Variants in HPCAL1 observed in about 807,000 individuals in gnomAD.
HPCAL1 encodes hippocalcin like 1.
Under a neutral mutation model 17.1 loss-of-function variants are expected in HPCAL1, and 8 were observed. That is an observed-to-expected ratio of 0.47 (90% CI 0.27 to 0.84). HPCAL1 has a LOEUF of 0.84. HPCAL1 is among the 40% of genes least tolerant of loss of function. The pLI is 0.13. For missense variants in HPCAL1, 165 were observed against 271.1 expected (o/e 0.61, Z 2.75); for synonymous variants, 112 against 111.4 (o/e 1.01, Z -0.03).
chr2:10,411,256 C>G (rs1670334676), intron 2 of HPCAL1, among the ~76,000 whole-genome samples: 1 of 152,160 alleles, frequency 6.6e-6, no homozygotes, highest in African/African-American at 2.4e-5. Flanking sequence ...ATGGAAAGGG[C>G]CCAGAGGAGG....
At chr2:10,371,951 C>CA (rs1667238976) in intron 1 of HPCAL1, among the ~76,000 whole-genome samples, 1 of 152,242 alleles carries the variant, frequency 6.6e-6, no homozygotes, top group Non-Finnish European at 1.5e-5. Context: ...CCAGGCCCGC[C>CA]AGCGCCTCAG....
intron 1 of HPCAL1, among the ~76,000 whole-genome samples, chr2:10,386,785 G>A (rs527966856): frequency 6.6e-6 from 1 of 152,278 alleles, no homozygotes; most frequent in East Asian, 1.9e-4. Flanking sequence ...CCCGCTGCCT[G>A]GACCCCTTCC....
chr2:10,399,490 C>T (rs1237600096), intron 2 of HPCAL1, among the ~76,000 whole-genome samples: 7 of 106,678 alleles, frequency 6.6e-5, no homozygotes, highest in East Asian at 5.8e-4. Flanking sequence ...ACCATCACCG[C>T]CACCATCACC....
chr2:10,313,382 G>C (rs1009126374), intron 1 of HPCAL1, among the ~76,000 whole-genome samples: 1 of 152,212 alleles, frequency 6.6e-6, no homozygotes, highest in African/African-American at 2.4e-5. Context: ...TGTCTGCCCA[G>C]ATGTGTGACT....
chr2:10,347,332 G>A (rs1665535529), intron 1 of HPCAL1, among the ~76,000 whole-genome samples: 1 of 152,076 alleles, frequency 6.6e-6, no homozygotes, highest in African/African-American at 2.4e-5. Context: ...TGGGGAGCAG[G>A]GCCTTCAGGG....
chr2:10,386,988 C>T (rs1572781656), intron 1 of HPCAL1, among the ~76,000 whole-genome samples: 1 of 152,328 alleles, frequency 6.6e-6, no homozygotes, highest in East Asian at 1.9e-4. Context: ...AGAAGCGGGG[C>T]TTGCAGGCCA....
chr2:10,405,628 C>T lies in HPCAL1; in HGVS notation c.-25+8708C>T, dbSNP rs1669920664. 2.0e-5 allele frequency among the ~76,000 whole-genome samples: 3 copies of T among 152,194 alleles called. No individual in the cohort carries two copies. The South Asian group carries it at 6.2e-4, about 32-fold the overall frequency. On this transcript the variant is annotated intron_variant, in intron 2 of 4. Transcript: ENST00000307845. Reference sequence around the variant, plus strand: ...GTAGATCTTCCCCCCAGGCATGGGTCAGTGCTTGAGTCATTCTGCAGCTGG... The same window carrying T: ...GTAGATCTTCCCCCCAGGCATGGGTTAGTGCTTGAGTCATTCTGCAGCTGG...
intron 2 of HPCAL1, among the ~76,000 whole-genome samples, chr2:10,414,948 G>A (rs1670569407): frequency 6.6e-6 from 1 of 152,222 alleles, no homozygotes. Flanking sequence ...CCCTCCAGAT[G>A]CTGGCTGCAA....
chr2:10,364,234 G>T (rs1198461526), intron 1 of HPCAL1, among the ~76,000 whole-genome samples: 2 of 152,218 alleles, frequency 1.3e-5, no homozygotes, highest in Non-Finnish European at 2.9e-5. Flanking sequence ...GTGGGAGCTG[G>T]GCCCAGAGCC....
At chr2:10,356,310 G>A (rs760586572) in intron 1 of HPCAL1, among the ~76,000 whole-genome samples, 2 of 152,160 alleles carry the variant, frequency 1.3e-5, no homozygotes, top group East Asian at 1.9e-4. Flanking sequence ...GTCACAGGAC[G>A]CCTCTTAGTG....
At chr2:10,423,729 G>A (rs1332944876) in intron 4 of HPCAL1, 1 of 152,610 alleles carries the variant, frequency 6.6e-6, no homozygotes, top group East Asian at 1.9e-4. Context: ...CTTCTTGCCG[G>A]CTTTGTCAAG....
chr2:10,352,245 C>T (rs115323327), intron 1 of HPCAL1, among the ~76,000 whole-genome samples: 115 of 152,224 alleles, frequency 7.6e-4, no homozygotes, highest in African/African-American at 2.6e-3. Flanking sequence ...TCTGCCTATC[C>T]ATATACCTCC....
chr2:10,369,038 ACTGGGGGAAGC>A (rs1316062420), intron 1 of HPCAL1: 1 of 152,130 alleles, frequency 6.6e-6, no homozygotes, highest in East Asian at 1.9e-4. Flanking sequence ...TTGCCCTGTG[ACTGGGGGAAGC>A]CTGAGGACTC....
intron 1 of HPCAL1, among the ~76,000 whole-genome samples, chr2:10,387,841 T>C (rs1224755531): frequency 1.3e-5 from 2 of 152,232 alleles, no homozygotes; most frequent in Non-Finnish European, 2.9e-5. Flanking sequence ...GCCTGTTTGC[T>C]CAACTGCACG....
At chr2:10,393,693 A>G (rs751678701) in intron 1 of HPCAL1, among the ~76,000 whole-genome samples, 1 of 152,188 alleles carries the variant, frequency 6.6e-6, no homozygotes, top group South Asian at 2.1e-4. Context: ...AGGGACCTCA[A>G]TGTGGAGATA....
rs566938925 is a variant in HPCAL1, at chr2:10,375,868, C to T, written c.-110-20967C>T. Among the ~76,000 whole-genome samples the T allele has an allele frequency of 2.5e-4, 38 of 152,296 alleles. No homozygotes were observed. In the South Asian group the frequency reaches 7.0e-3, roughly 28 times the overall value. On this transcript the variant is annotated intron_variant, in intron 1 of 4. Transcript: ENST00000307845. ...ATGACATAATTCAAGAGAGTAGCTG[C>T]GGAGACAATAAATAATTATAGTAGC...
intron 1 of HPCAL1, among the ~76,000 whole-genome samples, chr2:10,355,323 C>T (rs1327645244): frequency 6.7e-6 from 1 of 149,134 alleles, no homozygotes; most frequent in Admixed American, 6.7e-5. Context: ...TAGTGGCGGG[C>T]GCCTGTAGTC....
chr2:10,419,592 G>C lies in HPCAL1; in HGVS notation c.-24-142G>C. The C allele has an allele frequency of 1.5e-6, 1 of 686,928 alleles. No homozygotes were observed. The highest frequency in any genetic ancestry group is 2.4e-6 in the Non-Finnish European group (1 of 420,222). 42.6% of individuals were successfully genotyped at this position (686,928 alleles called of 1,614,324 possible). ...CCTTCTTGGTGGTCCATAAGATAGC[G>C]GCATGCCTTCCGATGGGGGACCCGG... On this transcript the variant is annotated intron_variant, in intron 2 of 4. Transcript: ENST00000307845. The surrounding 1 kb of genome is among the most constrained non-coding windows in gnomAD (Gnocchi z 5.0).
intron 2 of HPCAL1, among the ~76,000 whole-genome samples, chr2:10,399,421 CCAT>C (rs1669377032): frequency 9.5e-5 from 5 of 52,866 alleles, no homozygotes; most frequent in East Asian, 4.8e-4. Flanking sequence ...ACCACCACCA[CCAT>C]CACCACCACC....
Sources: allele counts gnomAD v4.1 joint callset (sites outside exome capture counted in the v4.1 genomes callset), GRCh38; gene constraint gnomAD v4.1.1; non-coding constraint Gnocchi (gnomAD v3.1); transcripts MANE v1.5; gene names NCBI Gene and HGNC (gene_info 2026-07-23, HGNC 2026-07-21).